GPC5: variants seen among roughly 807,000 people sequenced by gnomAD.
GPC5 encodes glypican-5.
A neutral mutation model predicts 53.9 loss-of-function variants in GPC5; 47 were observed. That is an observed-to-expected ratio of 0.87 (90% CI 0.69 to 1.11). GPC5 has a LOEUF of 1.11. GPC5 is among the 50% of genes most tolerant of loss of function. The probability of loss-of-function intolerance (pLI) is 0.00; values close to 1 mark genes in which losing one functional copy is unlikely to be tolerated. For missense variants in GPC5, 748 were observed against 713.1 expected (o/e 1.05, Z -0.56); for synonymous variants, 286 against 263.3 (o/e 1.09, Z -0.84).
At chr13:91,403,366 T>G (rs186427690) in intron 1 of GPC5, among the ~76,000 whole-genome samples, 2 of 152,294 alleles carry the variant, frequency 1.3e-5, no homozygotes, top group Admixed American at 1.3e-4. Context: ...TTATAGGATT[T>G]GGGCTTGTGG....
At chr13:92,752,157 CGT>C (rs914426259) in intron 7 of GPC5, among the ~76,000 whole-genome samples, 2 of 151,774 alleles carry the variant, frequency 1.3e-5, no homozygotes, top group Non-Finnish European at 2.9e-5. Context: ...GGAGTGTGTC[CGT>C]GTGTGTGTTA....
chr13:91,595,012 T>G (rs1182522887), intron 2 of GPC5, among the ~76,000 whole-genome samples: 1 of 148,140 alleles, frequency 6.8e-6, no homozygotes, highest in Non-Finnish European at 1.5e-5. Context: ...ATTTATTTAT[T>G]TATTTATTTA....
At chr13:92,303,742 A>G (rs902155474) in intron 7 of GPC5, among the ~76,000 whole-genome samples, 2 of 152,226 alleles carry the variant, frequency 1.3e-5, no homozygotes, top group Non-Finnish European at 2.9e-5. Flanking sequence ...CAGAAAGCAA[A>G]TGATGAAGAA....
intron 7 of GPC5, among the ~76,000 whole-genome samples, chr13:92,799,661 T>G (rs1300746134): frequency 6.6e-6 from 1 of 151,836 alleles, no homozygotes; most frequent in African/African-American, 2.4e-5. Context: ...ATCTTACAAT[T>G]GTGATTCTTT....
chr13:92,468,777 A>G (rs1878799649), intron 7 of GPC5, among the ~76,000 whole-genome samples: 1 of 152,126 alleles, frequency 6.6e-6, no homozygotes, highest in African/African-American at 2.4e-5. Context: ...CACCCTTGCA[A>G]TCATGCTCTA....
At chr13:91,897,424 T>C (rs1197559714) in intron 5 of GPC5, among the ~76,000 whole-genome samples, 1 of 151,844 alleles carries the variant, frequency 6.6e-6, no homozygotes, top group Admixed American at 6.6e-5. Flanking sequence ...CTTATGTTAA[T>C]AATATGCCTG....
At chr13:92,547,413 G>T (rs772068362) in intron 7 of GPC5, among the ~76,000 whole-genome samples, 1 of 152,092 alleles carries the variant, frequency 6.6e-6, no homozygotes, top group East Asian at 1.9e-4. Context: ...TTCAGATGAC[G>T]TATTTTTACC....
At chr13:91,672,428 A>G (rs898678076) in intron 2 of GPC5, among the ~76,000 whole-genome samples, 12 of 152,214 alleles carry the variant, frequency 7.9e-5, no homozygotes, top group Admixed American at 5.9e-4. Context: ...GGCAAAGGAT[A>G]TGAACAGGCA....
At chr13:91,439,295 T>C (rs965929292) in intron 1 of GPC5, among the ~76,000 whole-genome samples, 2 of 152,380 alleles carry the variant, frequency 1.3e-5, no homozygotes, top group East Asian at 1.9e-4. Context: ...AGTTCAGGAA[T>C]GCTGCTAAGC....
chr13:92,850,805 C>T (rs1022721023), intron 7 of GPC5, among the ~76,000 whole-genome samples: 1 of 152,152 alleles, frequency 6.6e-6, no homozygotes, highest in Non-Finnish European at 1.5e-5. Flanking sequence ...CTTGAGAATT[C>T]TCAGTACAGT....
At chr13:91,596,398 T>A (rs776647396) in intron 2 of GPC5, among the ~76,000 whole-genome samples, 23 of 152,220 alleles carry the variant, frequency 1.5e-4, no homozygotes, top group African/African-American at 2.4e-5. Context: ...AAATATATTG[T>A]TAGGTTTAAA....
intron 7 of GPC5, among the ~76,000 whole-genome samples, chr13:92,341,398 CAA>C (rs1330147292): frequency 5.3e-5 from 8 of 151,586 alleles, no homozygotes; most frequent in Admixed American, 5.3e-4. Flanking sequence ...ATGAGAGACA[CAA>C]AGATTTTTTT....
At chr13:92,353,593 A>G (rs2043498572) in intron 7 of GPC5, among the ~76,000 whole-genome samples, 1 of 152,184 alleles carries the variant, frequency 6.6e-6, no homozygotes, top group Non-Finnish European at 1.5e-5. Flanking sequence ...TGAGTGGTAG[A>G]TTTATGGAGC....
At chr13:91,702,409 A>G (rs2036012694) in intron 3 of GPC5, among the ~76,000 whole-genome samples, 1 of 152,054 alleles carries the variant, frequency 6.6e-6, no homozygotes, top group Admixed American at 6.6e-5. Flanking sequence ...TTCTACTAGT[A>G]CTTTTACAGT....
intron 7 of GPC5, among the ~76,000 whole-genome samples, chr13:92,819,949 A>C (rs892319512): frequency 2.0e-5 from 3 of 152,018 alleles, no homozygotes; most frequent in African/African-American, 7.2e-5. Context: ...CTAGCTATTC[A>C]CTACTTTTCC....
chr13:91,491,328 C>A (rs1883932887), intron 2 of GPC5, among the ~76,000 whole-genome samples: 1 of 152,154 alleles, frequency 6.6e-6, no homozygotes, highest in South Asian at 2.1e-4. Flanking sequence ...TTAAAATGTT[C>A]ATTGCTTTAT....
chr13:91,574,497 A>G (rs2032060478), intron 2 of GPC5, among the ~76,000 whole-genome samples: 1 of 152,072 alleles, frequency 6.6e-6, no homozygotes, highest in African/African-American at 2.4e-5. Context: ...ACAATAAGGG[A>G]CCGACAGAAC....
chr13:92,754,867 A>G (rs1874787299), intron 7 of GPC5, among the ~76,000 whole-genome samples: 1 of 146,200 alleles, frequency 6.8e-6, no homozygotes, highest in African/African-American at 2.5e-5. Context: ...TTAGACTCCC[A>G]CACATTAATA....
rs1883689152 is a variant in GPC5, at chr13:92,590,802, T to G, written c.1562-275480T>G. ...GTTTATTTATTGAGCACTTTCCATT[T>G]GTCAAGATCTGCTTTAGATAAGCCC... On this transcript the variant is annotated intron_variant, in intron 7 of 7. Transcript: ENST00000377067. 2.6e-5 allele frequency among the ~76,000 whole-genome samples: 4 copies of G among 152,340 alleles called. No homozygotes were observed. In the South Asian group the frequency reaches 8.3e-4, roughly 32 times the overall value.
Sources: allele counts gnomAD v4.1 joint callset (sites outside exome capture counted in the v4.1 genomes callset), GRCh38; gene constraint gnomAD v4.1.1; transcripts MANE v1.5; gene names NCBI Gene and HGNC (gene_info 2026-07-23, HGNC 2026-07-21).